The following CLCA1 variants were observed in gnomAD, a reference collection of about 807,000 sequenced individuals.
CLCA1 encodes the protein chloride channel accessory 1.
A neutral mutation model predicts 85.6 loss-of-function variants in CLCA1; 59 were observed. The observed-to-expected ratio is 0.69, with a 90% CI of 0.56 to 0.86. The LOEUF is 0.86. Among genes scored for constraint, CLCA1 ranks in the 40% least tolerant of loss-of-function variants. The probability of loss-of-function intolerance (pLI) is 0.00; values close to 1 mark genes in which losing one functional copy is unlikely to be tolerated. For missense variants in CLCA1, 1,022 were observed against 1,101.4 expected, an observed-to-expected ratio of 0.93 and a Z score of 1.02; for synonymous variants, 396 against 398.3, an observed-to-expected ratio of 0.99 and a Z score of 0.07.
chr1:86,485,180 T>G (rs1388046977), intron 5 of CLCA1, among the ~76,000 whole-genome samples, 163 bp from the exon 6 acceptor site: 1 of 152,108 alleles, frequency 6.6e-6, no homozygotes, highest in African/African-American at 2.4e-5. Flanking sequence ...TGGTTTAAGG[T>G]AGGAAATCTG....
Position 86,494,252 on chromosome 1 carries a change from T to G in CLCA1, c.1746T>G (p.Arg582=), listed in dbSNP as rs770093875. The change falls in exon 11 of 14, where the codon CGT becomes CGG. Residue 582 remains arginine, a synonymous_variant. Transcript: ENST00000394711. ...SQTLTLTVTS[R]ASNATLPPIT... Reference sequence around the variant, plus strand: ...CCTTGACCCTGACTGTCACGTCCCGTGCGTCCAATGCTACCCTGCCTCCAA... The same window carrying G: ...CCTTGACCCTGACTGTCACGTCCCGGGCGTCCAATGCTACCCTGCCTCCAA... The G allele has an allele frequency of 6.2e-7, 1 of 1,614,220 alleles. No homozygotes were observed. Among genetic ancestry groups the G allele is most frequent in the South Asian group, 1.1e-5 (1 of 91,086 alleles).
chr1:86,492,809 A>G (rs1648170996), intron 9 of CLCA1, among the ~76,000 whole-genome samples: 1 of 152,224 alleles, frequency 6.6e-6, no homozygotes, highest in Non-Finnish European at 1.5e-5. Flanking sequence ...TGCGTGGGTA[A>G]AAAATAAGTC....
intron 12 of CLCA1, among the ~76,000 whole-genome samples, chr1:86,496,050 G>C (rs967735850): frequency 1.3e-5 from 2 of 152,128 alleles, no homozygotes; most frequent in Admixed American, 6.5e-5. Flanking sequence ...ACAGTATTTT[G>C]TGTAATCTTT....
chr1:86,475,763 A>C (rs1393593365), intron 3 of CLCA1, among the ~76,000 whole-genome samples: 1 of 152,200 alleles, frequency 6.6e-6, no homozygotes, highest in East Asian at 1.9e-4. Context: ...CCTAGGAAAA[A>C]AAGGAGTTCA....
At chr1:86,493,356 A>G in intron 9 of CLCA1, 28 bp from the exon 10 acceptor site, 1 of 1,571,628 alleles carries the variant, frequency 6.4e-7, no homozygotes, top group Non-Finnish European at 8.7e-7. Context: ...TGTATTCTCC[A>G]GAAAGTAAGA....
intron 1 of CLCA1, among the ~76,000 whole-genome samples, chr1:86,472,370 T>C (rs775082861): frequency 1.2e-4 from 18 of 152,282 alleles, no homozygotes; most frequent in Non-Finnish European, 2.2e-4. Context: ...ATCCCACAGC[T>C]CCTCATTTCC....
chr1:86,486,827 T>C, intron 7 of CLCA1, 74 bp downstream of exon 7: 1 of 1,299,816 alleles, frequency 7.7e-7, no homozygotes, highest in South Asian at 1.2e-5. Context: ...ATTTCCAGTG[T>C]TTCCATACAT....
At chr1:86,482,935 T>C (rs975173828) in intron 5 of CLCA1, among the ~76,000 whole-genome samples, 1 of 152,248 alleles carries the variant, frequency 6.6e-6, no homozygotes, top group African/African-American at 2.4e-5. Flanking sequence ...GGCCAGTTAT[T>C]GATATTACTG....
intron 1 of CLCA1, 99 bp from the exon 2 acceptor site, chr1:86,473,318 C>G (rs931422972): frequency 1.2e-6 from 1 of 825,464 alleles, no homozygotes; most frequent in Non-Finnish European, 1.9e-6. Flanking sequence ...TAACAAATAA[C>G]AAGTTTTTGA....
rs1363622477 is a variant in CLCA1 at position 86,471,393 on chromosome 1, G to A, written c.163-2024G>A. Reference sequence around the variant, plus strand: ...GAATTTCTAGCCCATTCTATAAACTGTCACCCCCAACCTTCTCTCAGCCTA... The same window carrying A: ...GAATTTCTAGCCCATTCTATAAACTATCACCCCCAACCTTCTCTCAGCCTA... On this transcript the variant is annotated intron_variant, in intron 1 of 13. Transcript: ENST00000394711. Among the ~76,000 whole-genome samples, 4 of 152,198 alleles carry A rather than the reference G, an allele frequency of 2.6e-5. No homozygotes were observed. In the East Asian group the frequency reaches 7.7e-4, roughly 29 times the overall value.
chr1:86,498,653 C>T lies in CLCA1; in HGVS notation c.2195C>T (p.Ser732Phe), dbSNP rs762115011. The T allele has an allele frequency of 6.2e-7, 1 of 1,614,016 alleles. No homozygotes were observed. Among genetic ancestry groups the T allele is most frequent in the Non-Finnish European group, 8.5e-7 (1 of 1,180,004 alleles). The change falls in exon 13 of 14, where the codon TCC becomes TTC. Residue 732 changes from serine (S) to phenylalanine (F), a missense_variant. By Grantham distance (155) the Ser-to-Phe change is radical (BLOSUM62 -2). Transcript: ENST00000394711. Reference sequence around the variant, plus strand: ...AAGCAAGTGTGTTTCAGCAGAACATCCTCGGGAGGCTCATTTGTGGCTTCT... The same window carrying T: ...AAGCAAGTGTGTTTCAGCAGAACATTCTCGGGAGGCTCATTTGTGGCTTCT... ...QHKQVCFSRT[S>F]SGGSFVASDV...
rs537687401 is a variant in CLCA1 at position 86,495,697 on chromosome 1, A to G, written c.2113+22A>G. 6.3e-6 allele frequency: 10 copies of G among 1,591,250 alleles called. No individual in the cohort carries two copies. The South Asian group carries it at 1.1e-4, about 18-fold the overall frequency. ...AATGGTAAGTAATTTGTAATAACAT[A>G]CCTGGCTTGTGCAAAAGCATTGGTT... On this transcript the variant is annotated intron_variant, in intron 12 of 13. Transcript: ENST00000394711.
chr1:86,495,619 G>A lies in CLCA1; in HGVS notation c.2057G>A (p.Arg686Gln), dbSNP rs199729425. Reference protein sequence around the residue: ...RALGGVNAARRRVIPQQSGAL... With the variant: ...RALGGVNAARQRVIPQQSGAL... Reference sequence around the variant, plus strand: ...CTGGGAGGAGTTAACGCAGCCAGACGGAGAGTGATACCCCAGCAGAGTGGA... The same window carrying A: ...CTGGGAGGAGTTAACGCAGCCAGACAGAGAGTGATACCCCAGCAGAGTGGA... Residue 686 changes from arginine (R) to glutamine (Q), a missense_variant, in exon 12 of 14, where the codon CGG (arginine) becomes CAG (glutamine). Transcript: ENST00000394711. The A allele has an allele frequency of 4.0e-5, 64 of 1,613,982 alleles. No individual in the cohort carries two copies. Among genetic ancestry groups the A allele is most frequent in the Admixed American group, 2.8e-4 (17 of 60,000 alleles).
At chr1:86,493,295 T>G in intron 9 of CLCA1, 89 bp from the exon 10 acceptor site, 4 of 970,248 alleles carry the variant, frequency 4.1e-6, no homozygotes, top group Non-Finnish European at 6.4e-6. Flanking sequence ...GTCTTTTTAA[T>G]GGCGCACTGG....
At chr1:86,496,370 G>A (rs1480555268) in intron 12 of CLCA1, among the ~76,000 whole-genome samples, 1 of 152,130 alleles carries the variant, frequency 6.6e-6, no homozygotes, top group East Asian at 1.9e-4. Context: ...TCAGGCCAGG[G>A]AGCATAGTAG....
chr1:86,487,876 T>A (rs529231381), intron 7 of CLCA1, among the ~76,000 whole-genome samples: 1 of 152,352 alleles, frequency 6.6e-6, no homozygotes, highest in South Asian at 2.1e-4. Context: ...CTGTTTTCCA[T>A]GACACACAGC....
intron 1 of CLCA1, among the ~76,000 whole-genome samples, chr1:86,473,062 T>A (rs1287237616): frequency 1.3e-5 from 2 of 152,202 alleles, no homozygotes; most frequent in African/African-American, 4.8e-5. Flanking sequence ...ATGTTTCACT[T>A]TGTTCCTCAC....
rs767953624 is a variant in CLCA1 at position 86,498,573 on chromosome 1, T to G, written c.2115T>G (p.Asp705Glu). 6.2e-7 allele frequency: 1 copy of G among 1,612,194 alleles called. No individual in the cohort carries two copies. Among genetic ancestry groups the G allele is most frequent in the South Asian group, 1.1e-5 (1 of 91,040 alleles). Residue 705 changes from aspartate to glutamate, a missense_variant and splice_region_variant, in exon 13 of 14, where the codon GAT (aspartate) becomes GAG (glutamate). By Grantham distance (45) the Asp-to-Glu change is conservative. Transcript: ENST00000394711. ...ATTTTGAGTATTTTTTTAATGCAGATGAAATACAATGGAATCCACCAAGAC... is the reference window on the plus strand; with the variant it reads ...ATTTTGAGTATTTTTTTAATGCAGAGGAAATACAATGGAATCCACCAAGAC... ...ALYIPGWIEN[D>E]EIQWNPPRPE...
Position 86,489,177 on chromosome 1 carries a change from G to T in CLCA1, c.1357+7G>T. On this transcript the variant is annotated splice_region_variant and intron_variant, in intron 8 of 13. Transcript: ENST00000394711. ...GAGCTGTCCAAAATGACAGGTGAGG[G>T]ATGATTTGCTGAGACCCCCGGTATT... is the stretch of plus-strand genomic sequence containing the variant. The T allele has an allele frequency of 6.2e-7, 1 of 1,612,652 alleles. No homozygotes were observed. The highest frequency in any genetic ancestry group is 8.5e-7 in the Non-Finnish European group (1 of 1,179,320).
Sources: gnomAD v4.1 joint callset for allele counts (sites outside exome capture counted in the v4.1 genomes callset) on GRCh38, gnomAD v4.1.1 for gene constraint, MANE v1.5 for transcripts, NCBI Gene and HGNC (gene_info 2026-07-23, HGNC 2026-07-21) for gene names.